Variants in ADCY3 observed in about 807,000 individuals in gnomAD.
ADCY3 encodes the protein adenylate cyclase 3.
Under a neutral mutation model 119.4 loss-of-function variants are expected in ADCY3, and 70 were observed. The observed-to-expected ratio is 0.59, with a 90% CI of 0.48 to 0.72. ADCY3 has a LOEUF of 0.72. ADCY3 is among the 30% of genes least tolerant of loss of function. ADCY3 has a pLI of 0.00. For missense variants in ADCY3, 1,238 were observed against 1,541.6 expected, an observed-to-expected ratio of 0.80 and a Z score of 3.30; for synonymous variants, 672 against 621.4, an observed-to-expected ratio of 1.08 and a Z score of -1.21.
At position 24,827,982 on chromosome 2, in the gene ADCY3, T is replaced by C. The variant is rs756369092; in HGVS notation, c.2352A>G (p.Ala784=). The part of the protein sequence containing the change: ...MVKLTLMLLV[A]GAVATINLYA... The stretch of plus-strand genomic sequence containing the variant: ...AGAGGTTGATGGTGGCCACGGCGCC[T>C]GCGACGAGCAGCATGAGCGTGAGCT... Residue 784 remains alanine (A), a synonymous_variant, in exon 14 of 22, where the codon GCA becomes GCG. Transcript: ENST00000679454. 1.9e-6 allele frequency: 3 copies of C among 1,614,218 alleles called. No homozygotes were observed. In the Admixed American group the frequency reaches 5.0e-5, roughly 27 times the overall value.
chr2:24,824,167 G>A (rs983785684), intron 17 of ADCY3, among the ~76,000 whole-genome samples: 6 of 152,348 alleles, frequency 3.9e-5, no homozygotes, highest in South Asian at 2.1e-4. Context: ...AGAGCTGTAC[G>A]GCCCACATCA....
At chr2:24,897,010 T>C (rs1044025199) in intron 2 of ADCY3, among the ~76,000 whole-genome samples, 3 of 152,138 alleles carry the variant, frequency 2.0e-5, no homozygotes, top group African/African-American at 7.2e-5. Flanking sequence ...AGCTCCTAGT[T>C]GTTTACAGTG....
At chr2:24,835,512 C>T (rs1177959826) in intron 9 of ADCY3, among the ~76,000 whole-genome samples, 5 of 152,118 alleles carry the variant, frequency 3.3e-5, no homozygotes, top group African/African-American at 7.2e-5. Flanking sequence ...ATTCCCAGTT[C>T]CAAAGAAAAA....
rs76967101 is a variant in ADCY3 at position 24,910,969 on chromosome 2, C to T, written c.675+7344G>A. Among the ~76,000 whole-genome samples the T allele has an allele frequency of 2.5e-3, 383 of 152,144 alleles. 1 individual carries two copies. Among genetic ancestry groups the T allele is most frequent in the African/African-American group, 8.9e-3 (370 of 41,502 alleles). On this transcript the variant is annotated intron_variant, in intron 2 of 21. Coordinates refer to ENST00000679454, the MANE Select transcript of ADCY3 (RefSeq NM_004036.5). ...CTTAATATTTTCTTGATGAGTTGGT[C>T]ACCATTATGCACATCAGTTACTATG...
At chr2:24,861,038 A>G (rs564982494) in intron 3 of ADCY3, among the ~76,000 whole-genome samples, 81 of 152,256 alleles carry the variant, frequency 5.3e-4, no homozygotes, top group African/African-American at 1.8e-3. Context: ...ATCACTTGAG[A>G]TCAGGAGTTT....
At position 24,895,231 on chromosome 2, in the gene ADCY3, C is replaced by T. The variant is rs139278406; in HGVS notation, c.676-22512G>A. 1.2e-3 allele frequency among the ~76,000 whole-genome samples: 186 copies of T among 152,172 alleles called. 1 individual carries two copies. Among genetic ancestry groups the T allele is most frequent in the African/African-American group, 4.0e-3 (166 of 41,516 alleles). The stretch of plus-strand genomic sequence containing the variant: ...TCAGCCTCCTGAGTAACTGGGACTA[C>T]GGGCACACACCACCACGCCCAGCTA... On this transcript the variant is annotated intron_variant, in intron 2 of 21. Transcript: ENST00000679454.
At chr2:24,830,043 C>T (rs1669246376) in intron 13 of ADCY3, among the ~76,000 whole-genome samples, 1 of 130,180 alleles carries the variant, frequency 7.7e-6, no homozygotes. Context: ...AAGTGAATTA[C>T]CTTTTTTTTT....
In ADCY3 at chr2:24,839,943, G is replaced by A; in HGVS notation, c.1285C>T (p.Arg429Cys). The A allele has an allele frequency of 3.1e-6, 5 of 1,613,850 alleles. No homozygotes were observed. The highest frequency in any genetic ancestry group is 4.2e-6 in the Non-Finnish European group (5 of 1,180,010). ...TVLGGVLGQK[R>C]WQYDVWSTDV... ...GTCGACCACACGTCGTACTGCCAGC[G>A]CTTCTGGCCCAGGACGCCCCCCAGC... is the stretch of plus-strand genomic sequence containing the variant. Residue 429 changes from arginine to cysteine, a missense_variant, in exon 7 of 22, where the codon CGC (arginine) becomes TGC (cysteine). Around this residue, in one of 7 missense-constraint regions of ADCY3, gnomAD observed 283 missense variants for 437.2 expected, o/e 0.65. Transcript: ENST00000679454.
intron 3 of ADCY3, among the ~76,000 whole-genome samples, chr2:24,862,386 A>G (rs1673773025): frequency 6.6e-6 from 1 of 152,174 alleles, no homozygotes; most frequent in African/African-American, 2.4e-5. Context: ...CTCTACTAAA[A>G]ATACAAAATA....
chr2:24,838,427 G>A lies in ADCY3; in HGVS notation c.1533+18C>T. The A allele has an allele frequency of 6.3e-7, 1 of 1,588,236 alleles. No homozygotes were observed. On this transcript the variant is annotated intron_variant, in intron 8 of 21. Transcript: ENST00000679454. ...GGGTGGGGTGGGTGGGGTGGGTGGG[G>A]TGGGGTGGGGAACTCACCGAGCCAT...
At chr2:24,820,322 C>T in intron 21 of ADCY3, 3 of 1,316,476 alleles carry the variant, frequency 2.3e-6, no homozygotes, top group Admixed American at 3.6e-5. Flanking sequence ...CTGGGGGCCT[C>T]CTCTCATCCA....
At chr2:24,904,538 A>G (rs1306282838) in intron 2 of ADCY3, among the ~76,000 whole-genome samples, 2 of 152,112 alleles carry the variant, frequency 1.3e-5, no homozygotes, top group African/African-American at 4.8e-5. Flanking sequence ...AAGAAAAGAA[A>G]AGAAAAAAGT....
At chr2:24,854,413 G>A (rs1295458997) in intron 3 of ADCY3, among the ~76,000 whole-genome samples, 1 of 152,178 alleles carries the variant, frequency 6.6e-6, no homozygotes, top group Non-Finnish European at 1.5e-5. Context: ...CCCTGGGCAG[G>A]TACTTCACCC....
At chr2:24,850,766 T>C (rs1009050584) in intron 3 of ADCY3, among the ~76,000 whole-genome samples, 2 of 152,188 alleles carry the variant, frequency 1.3e-5, no homozygotes, top group Non-Finnish European at 2.9e-5. Context: ...AAATGGCTAA[T>C]TAAAATGACA....
chr2:24,887,529 C>T (rs79066665), intron 2 of ADCY3, among the ~76,000 whole-genome samples: 6 of 152,210 alleles, frequency 3.9e-5, no homozygotes, highest in Admixed American at 2.6e-4. Context: ...AGGGGTTCAC[C>T]GGCATCATGC....
Position 24,820,084 on chromosome 2 carries a change from C to T in ADCY3, c.3283G>A (p.Glu1095Lys), listed in dbSNP as rs1667325426. 6.4e-7 allele frequency: 1 copy of T among 1,561,676 alleles called. No homozygotes were observed. Among genetic ancestry groups the T allele is most frequent in the Non-Finnish European group, 8.7e-7 (1 of 1,154,226 alleles). The part of the protein sequence containing the change: ...VVEETQVILR[E>K]YGFRFVRRGP... ...CGCCTCACAAAGCGGAAGCCGTACTCTCGGAGGATGACTTGGGTTTCTTCT... is the reference window on the plus strand; with the variant it reads ...CGCCTCACAAAGCGGAAGCCGTACTTTCGGAGGATGACTTGGGTTTCTTCT... The change falls in exon 22 of 22, where the codon GAG (glutamate) becomes AAG (lysine). Residue 1095 changes from glutamate to lysine, a missense_variant. Glu to Lys is a moderately conservative substitution (Grantham distance 56). Transcript: ENST00000679454.
rs2148879939 is a variant in ADCY3 at position 24,881,907 on chromosome 2, T to C, written c.676-9188A>G. On this transcript the variant is annotated intron_variant, in intron 2 of 21. Transcript: ENST00000679454. ...AGGGATGCTGCTGAACATCCTACAC[T>C]GCACAGGGCAGCCCCCACCACAAAG... is the stretch of plus-strand genomic sequence containing the variant. 1.3e-5 allele frequency among the ~76,000 whole-genome samples: 2 copies of C among 152,242 alleles called. 1 individual carries two copies. Among genetic ancestry groups the C allele is most frequent in the South Asian group, 4.1e-4 (2 of 4,826 alleles).
intron 3 of ADCY3, among the ~76,000 whole-genome samples, chr2:24,845,297 G>A (rs550678108): frequency 3.3e-5 from 5 of 152,358 alleles, no homozygotes; most frequent in Non-Finnish European, 5.9e-5. Context: ...AGGAAACTGT[G>A]GGGAAGTCTG....
chr2:24,841,243 GA>G lies in ADCY3; in HGVS notation c.1196+15del. On this transcript the variant is annotated intron_variant, in intron 6 of 21. Coordinates refer to ENST00000679454, the MANE Select transcript of ADCY3 (RefSeq NM_004036.5). The surrounding 1 kb of genome is among the most constrained non-coding windows in gnomAD (Gnocchi z 5.8). ...CCTTGCTCTGGGAGCCTCCCTCCCA[GA>G]GGCATCCCACTTACGAGATGGCCTC... 1 of 1,547,816 alleles carries G rather than the reference GA, an allele frequency of 6.5e-7. No homozygotes were observed. The highest frequency in any genetic ancestry group is 8.7e-7 in the Non-Finnish European group (1 of 1,145,512).
Sources: allele counts gnomAD v4.1 joint callset (sites outside exome capture counted in the v4.1 genomes callset), GRCh38; gene constraint gnomAD v4.1.1; regional missense constraint gnomAD v4.1.1; non-coding constraint Gnocchi (gnomAD v3.1); transcripts MANE v1.5; gene names NCBI Gene and HGNC (gene_info 2026-07-23, HGNC 2026-07-21).